Variants in RHOH observed in about 807,000 individuals in gnomAD.
The protein encoded by RHOH is ras homolog family member H, also known as rho-related GTP-binding protein RhoH.
RHOH carries 6 observed loss-of-function variants against 13.8 expected under a neutral mutation model. That is an observed-to-expected ratio of 0.44 (90% CI 0.24 to 0.86). RHOH has a LOEUF of 0.86. Ranked by LOEUF, RHOH falls within the 40% of genes least tolerant of loss-of-function variation. The pLI, the probability that RHOH is intolerant of heterozygous loss-of-function variation, is 0.24. For missense variants in RHOH, 147 were observed against 244.5 expected (o/e 0.60, Z 2.66); for synonymous variants, 117 against 103.0 (o/e 1.14, Z -0.82).
intron 1 of RHOH, among the ~76,000 whole-genome samples, chr4:40,238,152 G>C (rs980334563): frequency 6.6e-6 from 1 of 152,088 alleles, no homozygotes; most frequent in African/African-American, 2.4e-5. Flanking sequence ...TGTACATAGA[G>C]GTATTTTGGG....
At chr4:40,242,945 TTGTGTGTGTGTGTGTGTG>T (rs58807335) in intron 2 of RHOH, 111 bp downstream of exon 2, 5,134 of 143,682 alleles carry the variant, frequency 0.036, 325 homozygotes, top group African/African-American at 0.13. Flanking sequence ...CGGGAGGCAT[TTGTGTGTGTGTGTGTGTG>T]TGTGTGTGTG....
chr4:40,243,836 G>A lies in RHOH; in HGVS notation c.450G>A (p.Glu150=). Residue 150 remains glutamate, a synonymous_variant, in exon 3 of 3, where the codon GAG becomes GAA. Transcript: ENST00000381799. The surrounding 1 kb of genome is among the most constrained non-coding windows in gnomAD (Gnocchi z 6.2). Reference sequence around the variant, plus strand: ...ATGTCAGAGCCAAGGGCTACCTGGAGTGCTCAGCCCTTAGCAATCGGGGAG... The same window carrying A: ...ATGTCAGAGCCAAGGGCTACCTGGAATGCTCAGCCCTTAGCAATCGGGGAG... ...AQDVRAKGYL[E]CSALSNRGVQ... 1 of 1,614,202 alleles carries A rather than the reference G, an allele frequency of 6.2e-7. No homozygotes were observed. Among genetic ancestry groups the A allele is most frequent in the South Asian group, 1.1e-5 (1 of 91,084 alleles).
chr4:40,220,565 A>G (rs1288774700), intron 1 of RHOH, among the ~76,000 whole-genome samples: 1 of 152,026 alleles, frequency 6.6e-6, no homozygotes, highest in Non-Finnish European at 1.5e-5. Context: ...CATTTCTTCT[A>G]TAGAGAAAAA....
intron 1 of RHOH, among the ~76,000 whole-genome samples, chr4:40,231,318 ATTTTTTTTTTTTTTT>A (rs3071888): frequency 7.8e-6 from 1 of 127,760 alleles, no homozygotes; most frequent in Admixed American, 8.1e-5. Flanking sequence ...TTCTTAGGTG[ATTTTTTTTTTTTTTT>A]TTTTTGCTAT....
At chr4:40,222,428 T>C (rs1377691044) in intron 1 of RHOH, among the ~76,000 whole-genome samples, 5 of 152,216 alleles carry the variant, frequency 3.3e-5, no homozygotes, top group Non-Finnish European at 2.9e-5. Context: ...CCAGTACTCA[T>C]TTACCATTCC....
At chr4:40,195,014 G>A (rs1186051958), upstream of RHOH, among the ~76,000 whole-genome samples, 3 of 152,232 alleles carry the variant, frequency 2.0e-5, no homozygotes, top group East Asian at 1.9e-4. Flanking sequence ...TGTTTCTCCC[G>A]CGGGCAATGA....
intron 1 of RHOH, among the ~76,000 whole-genome samples, chr4:40,204,631 C>G (rs1476563472): frequency 6.6e-6 from 1 of 152,170 alleles, no homozygotes; most frequent in Non-Finnish European, 1.5e-5. Context: ...AAGTGAGGAG[C>G]TCTGCCCTCA....
At chr4:40,191,320 G>T (rs576636097), upstream of RHOH, 5 of 152,312 alleles carry the variant, frequency 3.3e-5, no homozygotes, top group African/African-American at 1.2e-4. Flanking sequence ...GCCATTCGGA[G>T]CTACATCCAG....
At chr4:40,226,238 C>T (rs754249584) in intron 1 of RHOH, among the ~76,000 whole-genome samples, 11 of 152,108 alleles carry the variant, frequency 7.2e-5, no homozygotes, top group Admixed American at 1.3e-4. Flanking sequence ...AAAATCTAAC[C>T]GTGACTGTCT....
At position 40,224,922 on chromosome 4, in the gene RHOH, T is replaced by G. The variant is rs76379226; in HGVS notation, c.-330-17792T>G. On this transcript the variant is annotated intron_variant, in intron 1 of 2. Transcript: ENST00000381799. ...TATCTTACTGAATTATTGTTATTAT[T>G]TTTTAGAGACAGGGTCTCACTTTGT... Among the ~76,000 whole-genome samples, 13 of 152,204 alleles carry G rather than the reference T, an allele frequency of 8.5e-5. No homozygotes were observed. In the East Asian group the frequency reaches 2.5e-3, roughly 29 times the overall value.
rs1723232156 is a variant in RHOH at position 40,197,128 on chromosome 4, A to G, written c.-503A>G. 6.6e-6 allele frequency: 1 copy of G among 152,232 alleles called. No homozygotes were observed. The highest frequency in any genetic ancestry group is 1.5e-5 in the Non-Finnish European group (1 of 68,056). 9.4% of individuals were successfully genotyped at this position (152,232 alleles called of 1,614,324 possible). ...CAACTGTTGTATTTTCAGTTCTTCC[A>G]GTGTGAATCAGTTAATATTCTCGGG... On this transcript the variant is annotated 5_prime_UTR_variant, in exon 1 of 3. Coordinates refer to ENST00000381799, the MANE Select transcript of RHOH (RefSeq NM_004310.5).
intron 1 of RHOH, among the ~76,000 whole-genome samples, chr4:40,208,421 T>G (rs554220756): frequency 5.0e-4 from 76 of 152,336 alleles, no homozygotes; most frequent in African/African-American, 1.8e-3. Flanking sequence ...CTTTATAGTC[T>G]TTAAGGTTTG....
intron 1 of RHOH, among the ~76,000 whole-genome samples, chr4:40,240,981 A>G (rs1729173680): frequency 1.3e-5 from 2 of 151,686 alleles, no homozygotes; most frequent in South Asian, 4.2e-4. Flanking sequence ...ATATAATGAG[A>G]CCCCCACTCT....
intron 1 of RHOH, chr4:40,209,469 AG>A (rs1725006755): frequency 6.6e-6 from 1 of 152,134 alleles, no homozygotes; most frequent in Non-Finnish European, 1.5e-5. Context: ...TTAGTGAGAC[AG>A]GATGTCACTC....
intron 1 of RHOH, among the ~76,000 whole-genome samples, chr4:40,236,998 A>C (rs969031627): frequency 1.3e-5 from 2 of 152,250 alleles, no homozygotes; most frequent in African/African-American, 4.8e-5. Context: ...TGAAATTTTA[A>C]AAAGCTTAAA....
At chr4:40,227,505 T>C (rs1727394521) in intron 1 of RHOH, among the ~76,000 whole-genome samples, 1 of 152,144 alleles carries the variant, frequency 6.6e-6, no homozygotes, top group South Asian at 2.1e-4. Context: ...GAGAAATGAG[T>C]ATGTTGAATT....
rs1341970759 is a variant in RHOH, at chr4:40,243,431, G to A, written c.45G>A (p.Val15=). The change falls in exon 3 of 3, where the codon GTG becomes GTA. Residue 15 remains valine (V), a synonymous_variant. Coordinates refer to ENST00000381799, the MANE Select transcript of RHOH (RefSeq NM_004310.5). The surrounding 1 kb of genome is among the most constrained non-coding windows in gnomAD (Gnocchi z 6.2). The part of the protein sequence containing the change: ...IKCVLVGDSA[V]GKTSLLVRFT... ...GCGTGTTGGTGGGCGACTCTGCTGT[G>A]GGGAAAACCTCTCTGTTGGTGCGCT... 6.2e-7 allele frequency: 1 copy of A among 1,611,168 alleles called. No homozygotes were observed. The highest frequency in any genetic ancestry group is 8.5e-7 in the Non-Finnish European group (1 of 1,178,394).
At position 40,243,731 on chromosome 4, in the gene RHOH, C is replaced by T; in HGVS notation, c.345C>T (p.Ala115=). The T allele has an allele frequency of 6.2e-7, 1 of 1,614,102 alleles. No homozygotes were observed. Among genetic ancestry groups the T allele is most frequent in the Non-Finnish European group, 8.5e-7 (1 of 1,180,004 alleles). Reference sequence around the variant, plus strand: ...CCTGTACCCCTGTGCTGGTGGTGGCCACCCAGACTGACCAGCGGGAGATGG... The same window carrying T: ...CCTGTACCCCTGTGCTGGTGGTGGCTACCCAGACTGACCAGCGGGAGATGG... ...NLPCTPVLVV[A]TQTDQREMGP... Residue 115 remains alanine (A), a synonymous_variant, in exon 3 of 3, where the codon GCC becomes GCT. Transcript: ENST00000381799. This position sits in a 1 kb window ranked among gnomAD's most constrained non-coding sequence, Gnocchi z 6.2.
intron 1 of RHOH, among the ~76,000 whole-genome samples, chr4:40,197,656 T>C (rs895769726): frequency 1.3e-5 from 2 of 152,190 alleles, no homozygotes; most frequent in East Asian, 3.8e-4. Context: ...ATGCTCTAAG[T>C]TGTGCAAATA....
Sources: gnomAD v4.1 joint callset for allele counts (sites outside exome capture counted in the v4.1 genomes callset) on GRCh38, gnomAD v4.1.1 for gene constraint, Gnocchi (gnomAD v3.1) non-coding constraint, MANE v1.5 for transcripts, NCBI Gene and HGNC (gene_info 2026-07-23, HGNC 2026-07-21) for gene names.